Variants in TCEA1 observed in about 807,000 individuals in gnomAD.
TCEA1 encodes transcription elongation factor A1.
In TCEA1, 21 loss-of-function variants were observed where a neutral mutation model predicts 43.8. The ratio of observed to expected loss-of-function variants is 0.48; its 90% CI spans 0.34 to 0.69. The LOEUF (loss-of-function observed/expected upper bound fraction) is 0.69, where lower values mean the gene tolerates loss of function less well. Ranked by LOEUF, TCEA1 falls within the 30% of genes least tolerant of loss-of-function variation. The pLI is 0.01. For missense variants in TCEA1, 250 were observed against 365.1 expected, an observed-to-expected ratio of 0.68 and a Z score of 2.57; for synonymous variants, 104 against 117.5, an observed-to-expected ratio of 0.88 and a Z score of 0.75.
At chr8:54,008,319 T>TCAACAA (rs34975029) in intron 2 of TCEA1, among the ~76,000 whole-genome samples, 12 of 150,626 alleles carry the variant, frequency 8.0e-5, no homozygotes, top group East Asian at 3.9e-4. Flanking sequence ...GTCAAACAAT[T>TCAACAA]CAACAACAAC....
rs576309356 is a variant in TCEA1, at chr8:54,015,029, T to C, written c.64-4537A>G. On this transcript the variant is annotated intron_variant, in intron 1 of 9. Coordinates refer to ENST00000521604, the MANE Select transcript of TCEA1 (RefSeq NM_006756.4). ...TACAAATAATTACTTATTTCTACCATAACAATAATCTCCAGGGGCCATAAG... is the reference window on the plus strand; with the variant it reads ...TACAAATAATTACTTATTTCTACCACAACAATAATCTCCAGGGGCCATAAG... 4.1e-4 allele frequency among the ~76,000 whole-genome samples: 62 copies of C among 152,224 alleles called. 1 individual carries two copies. The Middle Eastern group carries it at 0.02, about 50-fold the overall frequency.
At chr8:53,982,443 A>G (rs113406450) in intron 7 of TCEA1, among the ~76,000 whole-genome samples, 24,637 of 151,742 alleles carry the variant, frequency 0.16, 5,660 homozygotes, top group African/African-American at 0.52. Flanking sequence ...CCCTGTCTCT[A>G]CTAAAAGTAC....
intron 1 of TCEA1, among the ~76,000 whole-genome samples, chr8:54,020,391 A>C (rs1804982968): frequency 6.6e-6 from 1 of 152,234 alleles, no homozygotes; most frequent in Non-Finnish European, 1.5e-5. Flanking sequence ...TATCTAGAAC[A>C]GAAAATAAAC....
intron 8 of TCEA1, chr8:53,973,049 G>C (rs1179308970): frequency 3.0e-6 from 2 of 673,286 alleles, no homozygotes; most frequent in Non-Finnish European, 5.7e-6. Flanking sequence ...AAAAGGAAGA[G>C]CTTTTGGACA....
chr8:54,013,465 G>C (rs1563516972), intron 1 of TCEA1, among the ~76,000 whole-genome samples: 2 of 152,036 alleles, frequency 1.3e-5, no homozygotes, highest in Admixed American at 6.6e-5. Context: ...ATCAACCTGA[G>C]CTCAGGAGTT....
At position 53,992,916 on chromosome 8, in the gene TCEA1, G is replaced by T. The variant is rs144333720; in HGVS notation, c.320+752C>A. ...AGGTGAGGGACAATCTGAACTCTTT[G>T]TTAATGAACTTCACATTTTAAGTTC... On this transcript the variant is annotated intron_variant, in intron 4 of 9. Transcript: ENST00000521604. Among the ~76,000 whole-genome samples the T allele has an allele frequency of 1.6e-3, 239 of 150,566 alleles. 1 individual carries two copies. Among genetic ancestry groups the T allele is most frequent in the Middle Eastern group, 7.0e-3 (2 of 284 alleles).
chr8:53,994,870 CAA>C (rs797017722), intron 3 of TCEA1, among the ~76,000 whole-genome samples: 1 of 131,404 alleles, frequency 7.6e-6, no homozygotes. Context: ...GACTCTGTCT[CAA>C]AAAAAAAAAG....
intron 1 of TCEA1, chr8:54,021,805 C>G (rs552581643): frequency 4.2e-4 from 149 of 356,604 alleles, no homozygotes; most frequent in African/African-American, 2.8e-3. Context: ...TGCCCTAATC[C>G]CTAAATCGAT....
rs1272230065 is a variant in TCEA1 at position 54,022,204 on chromosome 8, G to A, written c.-79C>T. The A allele has an allele frequency of 4.1e-6, 6 of 1,465,580 alleles. No individual in the cohort carries two copies. The highest frequency in any genetic ancestry group is 2.8e-5 in the African/African-American group (2 of 70,382). The allele number at this position is 1,465,580 out of a possible 1,614,324, so 90.8% of individuals were successfully genotyped here. A position where few individuals can be genotyped will look rare whatever the true frequency, so the allele number is the denominator to read the frequency against. On this transcript the variant is annotated 5_prime_UTR_variant, in exon 1 of 10. Coordinates refer to ENST00000521604, the MANE Select transcript of TCEA1 (RefSeq NM_006756.4). ...AGCTGGAGCGGAAGACACAGCAGGAGCGACCCCCGGCGCGCAGCAACCCCC... is the reference window on the plus strand; with the variant it reads ...AGCTGGAGCGGAAGACACAGCAGGAACGACCCCCGGCGCGCAGCAACCCCC...
At chr8:53,985,001 A>G (rs1228596339) in intron 6 of TCEA1, among the ~76,000 whole-genome samples, 1 of 152,168 alleles carries the variant, frequency 6.6e-6, no homozygotes. Flanking sequence ...AATAATAGTG[A>G]TATTACTTTT....
intron 2 of TCEA1, among the ~76,000 whole-genome samples, chr8:54,007,616 TAATACAACTG>T (rs1804514124): frequency 6.6e-6 from 1 of 152,238 alleles, no homozygotes; most frequent in South Asian, 2.1e-4. Context: ...TAAATACTGG[TAATACAACTG>T]TGGTTTAGTG....
At chr8:54,016,620 C>T (rs1804837381) in intron 1 of TCEA1, among the ~76,000 whole-genome samples, 1 of 151,852 alleles carries the variant, frequency 6.6e-6, no homozygotes, top group Non-Finnish European at 1.5e-5. Flanking sequence ...GGGTAGATCA[C>T]CTGAGATCAG....
chr8:54,006,336 G>A (rs954388457), intron 2 of TCEA1, among the ~76,000 whole-genome samples: 14 of 152,064 alleles, frequency 9.2e-5, no homozygotes, highest in African/African-American at 2.4e-4. Context: ...ACTCTTAGCC[G>A]GGTGTGGTGA....
Position 53,984,349 on chromosome 8 carries a change from TCA to T in TCEA1, c.678+12_678+13del. 1 of 1,582,640 alleles carries T rather than the reference TCA, an allele frequency of 6.3e-7. No individual in the cohort carries two copies. Among genetic ancestry groups the T allele is most frequent in the Non-Finnish European group, 8.6e-7 (1 of 1,168,684 alleles). ...GAATCACATTATAGAAACCTCAGAT[TCA>T]CACATACTCACCTCTGCTGTCATTC... is the stretch of plus-strand genomic sequence containing the variant. On this transcript the variant is annotated intron_variant, in intron 7 of 9. Transcript: ENST00000521604.
At chr8:53,970,630 G>A (rs1352850012) in intron 8 of TCEA1, among the ~76,000 whole-genome samples, 167 bp from the exon 9 acceptor site, 2 of 152,078 alleles carry the variant, frequency 1.3e-5, no homozygotes, top group African/African-American at 4.8e-5. Flanking sequence ...AACAGAGCAC[G>A]CACTTCCAAA....
At chr8:53,973,096 A>T in intron 8 of TCEA1, 1 of 654,726 alleles carries the variant, frequency 1.5e-6, no homozygotes, top group Admixed American at 1.9e-5. Context: ...TCTAGCGAAA[A>T]TGAAGAGGAG....
intron 8 of TCEA1, chr8:53,972,358 C>T (rs1803183464): frequency 2.0e-6 from 1 of 509,494 alleles, no homozygotes; most frequent in Non-Finnish European, 3.9e-6. Context: ...GACAGCAGCC[C>T]TAATCTTGCA....
chr8:53,979,977 C>T (rs1340771891), intron 7 of TCEA1, among the ~76,000 whole-genome samples: 1 of 152,182 alleles, frequency 6.6e-6, no homozygotes. Flanking sequence ...ACCCTAACCT[C>T]CAAGTCTTCA....
At chr8:53,970,371 T>C (rs1803121825) in intron 9 of TCEA1, 21 bp downstream of exon 9, 1 of 1,531,846 alleles carries the variant, frequency 6.5e-7, no homozygotes, top group Non-Finnish European at 9.0e-7. Context: ...GTATATAATA[T>C]GAATCCAAGA....
Sources: allele counts gnomAD v4.1 joint callset (sites outside exome capture counted in the v4.1 genomes callset), GRCh38; gene constraint gnomAD v4.1.1; transcripts MANE v1.5; gene names NCBI Gene and HGNC (gene_info 2026-07-23, HGNC 2026-07-21).